Variants in GGA3 observed in about 807,000 individuals in gnomAD.
The protein encoded by GGA3 is ADP-ribosylation factor-binding protein GGA3.
GGA3 carries 57 observed loss-of-function variants against 77.5 expected under a neutral mutation model. The observed-to-expected ratio is 0.74, with a 90% CI of 0.59 to 0.92. GGA3 has a LOEUF of 0.92. Ranked by LOEUF, GGA3 falls within the 40% of genes least tolerant of loss-of-function variation. The pLI is 0.00. For synonymous variants in GGA3, 416 were observed against 383.7 expected, an observed-to-expected ratio of 1.08 and a Z score of -0.98; for missense variants, 970 against 914.9, an observed-to-expected ratio of 1.06 and a Z score of -0.78.
At chr17:75,261,902 T>TGGCTGCCCCCGCAGTGAA, upstream of GGA3, 1 of 1,608,720 alleles carries the variant, frequency 6.2e-7, no homozygotes. Context: ...CCAGCCAAGA[T>TGGCTGCCCCCGCAGTGAA]GGCTGCCCCC....
Position 75,243,179 on chromosome 17 carries a change from A to G in GGA3, c.425-13T>C. On this transcript the variant is annotated splice_polypyrimidine_tract_variant and intron_variant, in intron 5 of 16. Transcript: ENST00000537686. Reference sequence around the variant, plus strand: ...GACTGCACTATGCCTGAAAGGGGACATGGCAGCACGTGCACTCAGGCTGTG... The same window carrying G: ...GACTGCACTATGCCTGAAAGGGGACGTGGCAGCACGTGCACTCAGGCTGTG... 1 of 1,576,860 alleles carries G rather than the reference A, an allele frequency of 6.3e-7. No individual in the cohort carries two copies. The highest frequency in any genetic ancestry group is 8.7e-7 in the Non-Finnish European group (1 of 1,152,502).
At position 75,246,777 on chromosome 17, in the gene GGA3, G is replaced by C. The variant is rs1263929884; in HGVS notation, c.60C>G (p.Ser20=). The change falls in exon 2 of 17, where the codon TCC becomes TCG. Residue 20 remains serine, a synonymous_variant. Coordinates refer to ENST00000537686, the MANE Select transcript of GGA3 (RefSeq NM_138619.4). ...TGTATTCCCAGTCCTCCTGGCGGTT[G>C]GAAGGATTGGTGGCTTTATCTTGCA... ...ESWLNKATNP[S]NRQEDWEYII... The C allele has an allele frequency of 1.5e-5, 24 of 1,612,872 alleles. No homozygotes were observed. Among genetic ancestry groups the C allele is most frequent in the Non-Finnish European group, 1.9e-5 (22 of 1,179,820 alleles).
rs751469722 is a variant in GGA3 at position 75,238,257 on chromosome 17, G to C, written c.*22C>G. The C allele has an allele frequency of 3.7e-6, 6 of 1,608,544 alleles. No homozygotes were observed. In the African/African-American group the frequency reaches 5.3e-5, roughly 14 times the overall value. On this transcript the variant is annotated 3_prime_UTR_variant, in exon 17 of 17. Transcript: ENST00000537686. ...GGGCAGCCTGCCTGGCTTCAAGGTG[G>C]AGATCACAGCGTCCTCTGGGGTCAT...
In GGA3 at chr17:75,236,707, C is replaced by T. The variant is rs1290703690; in HGVS notation, c.*1572G>A. 6.5e-6 allele frequency: 1 copy of T among 152,878 alleles called. No homozygotes were observed. 9.5% of individuals were successfully genotyped at this position (152,878 alleles called of 1,614,324 possible). On this transcript the variant is annotated 3_prime_UTR_variant, in exon 17 of 17. Coordinates refer to ENST00000537686, the MANE Select transcript of GGA3 (RefSeq NM_138619.4). The stretch of plus-strand genomic sequence containing the variant: ...CACTGACCTCAACAGTAACGAGTAA[C>T]ACTCAAATAACTGTAATGTCTAGAG...
At position 75,251,756 on chromosome 17, in the gene GGA3, A is replaced by G. The variant is rs1208184716; in HGVS notation, c.41-4960T>C. On this transcript the variant is annotated intron_variant, in intron 1 of 16. Coordinates refer to ENST00000537686, the MANE Select transcript of GGA3 (RefSeq NM_138619.4). ...ATCACTTCTTTTTCCTGACTTCCCC[A>G]TTTCTTTTTCTTCTTCCTTTTTTTT... Among the ~76,000 whole-genome samples, 4 of 138,004 alleles carry G rather than the reference A, an allele frequency of 2.9e-5. No individual in the cohort carries two copies. In the East Asian group the frequency reaches 8.8e-4, roughly 30 times the overall value. 90.5% of individuals were successfully genotyped at this position (138,004 alleles called of 152,430 possible).
intron 3 of GGA3, among the ~76,000 whole-genome samples, chr17:75,246,181 C>G (rs964737734): frequency 3.9e-5 from 6 of 152,258 alleles, no homozygotes; most frequent in African/African-American, 1.4e-4. Flanking sequence ...GCCCTGTCAG[C>G]ATCTCTTCAC....
chr17:75,246,816 G>A lies in GGA3; in HGVS notation c.41-20C>T. On this transcript the variant is annotated intron_variant, in intron 1 of 16. Coordinates refer to ENST00000537686, the MANE Select transcript of GGA3 (RefSeq NM_138619.4). ...CTTTATCTTGCAACACAACAAAGAA[G>A]AGGACAAGTGTTAGGAAGAGCAATG... 1 of 1,584,938 alleles carries A rather than the reference G, an allele frequency of 6.3e-7. No homozygotes were observed. The highest frequency in any genetic ancestry group is 1.7e-4 in the Middle Eastern group (1 of 6,024).
At chr17:75,252,834 C>T (rs2077016014) in intron 1 of GGA3, among the ~76,000 whole-genome samples, 1 of 152,154 alleles carries the variant, frequency 6.6e-6, no homozygotes, top group African/African-American at 2.4e-5. Context: ...GTAATTCTCC[C>T]CACCCTTGAG....
In GGA3 at chr17:75,240,377, C is replaced by T; in HGVS notation, c.1228G>A (p.Glu410Lys). The change falls in exon 12 of 17, where the codon GAG becomes AAG. Residue 410 changes from glutamate (E) to lysine (K), a missense_variant. By Grantham distance (56) the Glu-to-Lys change is moderately conservative (BLOSUM62 1). Transcript: ENST00000537686. ...TGCCACTGGCTGTTCCCAGCTGACT[C>T]TTTGGGAGGAACATTAGGGGCTGGG... is the stretch of plus-strand genomic sequence containing the variant. ...ADPAPNVPPK[E>K]SAGNSQWHLL... is the part of the protein sequence containing the mutation. 6.2e-7 allele frequency: 1 copy of T among 1,601,290 alleles called. No homozygotes were observed. The highest frequency in any genetic ancestry group is 1.3e-5 in the African/African-American group (1 of 74,984).
chr17:75,244,022 G>C (rs9652817), intron 4 of GGA3, among the ~76,000 whole-genome samples: 33,923 of 152,046 alleles, frequency 0.22, 5,089 homozygotes, highest in African/African-American at 0.42. Context: ...TCAAGACAGA[G>C]AGGCTTCCTT....
intron 1 of GGA3, among the ~76,000 whole-genome samples, chr17:75,258,131 G>A (rs901652312): frequency 4.6e-5 from 7 of 151,990 alleles, no homozygotes; most frequent in Admixed American, 6.6e-5. Flanking sequence ...TAACTTCACC[G>A]CCTATCCCAA....
chr17:75,252,285 G>C (rs2076992896), intron 1 of GGA3, among the ~76,000 whole-genome samples: 1 of 151,730 alleles, frequency 6.6e-6, no homozygotes, highest in Non-Finnish European at 1.5e-5. Flanking sequence ...GGCTGCAGTA[G>C]GCGATCATGG....
intron 11 of GGA3, 135 bp downstream of exon 11, chr17:75,240,677 T>G: frequency 1.9e-6 from 2 of 1,040,518 alleles, no homozygotes; most frequent in Non-Finnish European, 2.7e-6. Context: ...TGAACTTCAC[T>G]GAGTACCTCC....
upstream of GGA3, chr17:75,261,610 G>C (rs761100345): frequency 2.5e-5 from 39 of 1,537,024 alleles, no homozygotes; most frequent in Non-Finnish European, 3.3e-5. Context: ...CGGCCCCGCG[G>C]CTTCAAAACT....
upstream of GGA3, chr17:75,261,965 C>G (rs753160103): frequency 1.4e-5 from 23 of 1,606,028 alleles, no homozygotes; most frequent in South Asian, 1.8e-4. Flanking sequence ...GTGCGGCGGG[C>G]TGTCTTGCAG....
rs749446890 is a variant in GGA3, at chr17:75,244,631, G to T, written c.288C>A (p.Val96=). The change falls in exon 4 of 17, where the codon GTC becomes GTA. Residue 96 remains valine, a synonymous_variant. Transcript: ENST00000537686. The stretch of plus-strand genomic sequence containing the variant: ...GCCGCTGACTGACCTTTGGAGAGAC[G>T]ACTTTGATTAACTCATTCAAAAAGC... ...KFRFLNELIK[V]VSPKYLGDRV... The T allele has an allele frequency of 1.9e-6, 3 of 1,608,768 alleles. No individual in the cohort carries two copies. The highest frequency in any genetic ancestry group is 1.3e-5 in the African/African-American group (1 of 74,800).
At chr17:75,262,178 C>T (rs2077411598), upstream of GGA3, 2 of 705,852 alleles carry the variant, frequency 2.8e-6, no homozygotes, top group South Asian at 1.9e-5. Context: ...TCTGGCTGAT[C>T]TAGGGTTCTA....
At chr17:75,254,827 T>C (rs1221283515) in intron 1 of GGA3, among the ~76,000 whole-genome samples, 2 of 152,124 alleles carry the variant, frequency 1.3e-5, no homozygotes, top group Admixed American at 6.5e-5. Context: ...CCTCCATAAC[T>C]GCCTCCCCCA....
At position 75,251,250 on chromosome 17, in the gene GGA3, C is replaced by T. The variant is rs184056549; in HGVS notation, c.41-4454G>A. Among the ~76,000 whole-genome samples, 7 of 151,914 alleles carry T rather than the reference C, an allele frequency of 4.6e-5. No homozygotes were observed. In the East Asian group the frequency reaches 1.2e-3, roughly 25 times the overall value. Reference sequence around the variant, plus strand: ...GCAGACAATGAAGTAAACAGCATGTCAGCATGCCAGACCCTGGAGGGACTA... The same window carrying T: ...GCAGACAATGAAGTAAACAGCATGTTAGCATGCCAGACCCTGGAGGGACTA... On this transcript the variant is annotated intron_variant, in intron 1 of 16. Transcript: ENST00000537686.
Sources: allele counts gnomAD v4.1 joint callset (sites outside exome capture counted in the v4.1 genomes callset), GRCh38; gene constraint gnomAD v4.1.1; transcripts MANE v1.5; gene names NCBI Gene and HGNC (gene_info 2026-07-23, HGNC 2026-07-21).